Variants in SLC14A1 observed in about 807,000 individuals in gnomAD.
SLC14A1 encodes solute carrier family 14 member 1 (Kidd blood group), also known as urea transporter 1.
In SLC14A1, 36 loss-of-function variants were observed where a neutral mutation model predicts 39.6. That is an observed-to-expected ratio of 0.91 (90% confidence interval 0.70 to 1.20). The LOEUF (loss-of-function observed/expected upper bound fraction) is 1.20, where lower values mean the gene tolerates loss of function less well. SLC14A1 is among the 50% of genes most tolerant of loss of function. The probability of loss-of-function intolerance (pLI) is 0.00; values close to 1 mark genes in which losing one functional copy is unlikely to be tolerated. For synonymous variants in SLC14A1, 164 were observed against 173.6 expected, an observed-to-expected ratio of 0.94 and a Z score of 0.43; for missense variants, 469 against 478.7, an observed-to-expected ratio of 0.98 and a Z score of 0.19.
rs993418815 is a variant in SLC14A1, at chr18:45,750,757, G to A, written c.*806G>A. ...ACCTGTTCTTACATATTAAAGAAAAGTTACTTACTGTATTTATGAAATACT... is the reference window on the plus strand; with the variant it reads ...ACCTGTTCTTACATATTAAAGAAAAATTACTTACTGTATTTATGAAATACT... On this transcript the variant is annotated 3_prime_UTR_variant, in exon 10 of 10. Coordinates refer to ENST00000321925, the MANE Select transcript of SLC14A1 (RefSeq NM_015865.7). 1 of 985,050 alleles carries A rather than the reference G, an allele frequency of 1.0e-6. No homozygotes were observed. Among genetic ancestry groups the A allele is most frequent in the East Asian group, 1.1e-4 (1 of 8,804 alleles). 61.0% of individuals were successfully genotyped at this position (985,050 alleles called of 1,614,324 possible).
intron 7 of SLC14A1, 49 bp from the exon 8 acceptor site, chr18:45,739,479 A>G: frequency 1.2e-6 from 2 of 1,613,620 alleles, no homozygotes; most frequent in Non-Finnish European, 1.7e-6. Context: ...GTTTCCTTCC[A>G]GAACATCCTG....
intron 4 of SLC14A1, 179 bp from the exon 5 acceptor site, chr18:45,734,095 A>C: frequency 1.4e-6 from 1 of 721,960 alleles, no homozygotes; most frequent in Non-Finnish European, 2.3e-6. Context: ...ATCTATGTAT[A>C]TTTCACTTCA....
chr18:45,727,196 G>C (rs2046888391), intron 2 of SLC14A1: 1 of 1,483,996 alleles, frequency 6.7e-7, no homozygotes, highest in African/African-American at 1.4e-5. Flanking sequence ...CCTTTTGCGT[G>C]GTCATTAGAG....
chr18:45,730,346 G>A lies in SLC14A1; in HGVS notation c.26G>A (p.Arg9Lys), dbSNP rs1221339086. Reference sequence around the variant, plus strand: ...ATGGAGGACAGCCCCACTATGGTTAGAGTGGACAGCCCCACTATGGTTAGG... The same window carrying A: ...ATGGAGGACAGCCCCACTATGGTTAAAGTGGACAGCCCCACTATGGTTAGG... MEDSPTMV[R>K]VDSPTMVRGE... Residue 9 changes from arginine to lysine, a missense_variant, in exon 3 of 10, where the codon AGA becomes AAA. Transcript: ENST00000321925. The A allele has an allele frequency of 1.2e-6, 2 of 1,613,062 alleles. No homozygotes were observed. Among genetic ancestry groups the A allele is most frequent in the East Asian group, 4.5e-5 (2 of 44,876 alleles).
chr18:45,739,686 G>A, intron 8 of SLC14A1, 24 bp downstream of exon 8: 3 of 1,614,078 alleles, frequency 1.9e-6, no homozygotes, highest in Non-Finnish European at 1.7e-6. Context: ...GCCCCTGGGG[G>A]AGGGCTGCTC....
At chr18:45,735,157 G>A (rs1284470174) in intron 5 of SLC14A1, among the ~76,000 whole-genome samples, 2 of 152,200 alleles carry the variant, frequency 1.3e-5, no homozygotes, top group African/African-American at 4.8e-5. Flanking sequence ...TAGCGCCTGG[G>A]CTTTGGGAGT....
intron 5 of SLC14A1, among the ~76,000 whole-genome samples, chr18:45,734,998 T>A (rs2047145263): frequency 6.6e-6 from 1 of 152,354 alleles, no homozygotes; most frequent in Admixed American, 6.5e-5. Context: ...CAGAGGTGGC[T>A]GCACATTGAC....
In SLC14A1 at chr18:45,751,230, C is replaced by T. The variant is rs1450319085; in HGVS notation, c.*1279C>T. ...TGGTGGGTGCCTGTAGTTCCAGCTA[C>T]TTGGGAGGCTGAGGTGGGAAAATGA... On this transcript the variant is annotated 3_prime_UTR_variant, in exon 10 of 10. Coordinates refer to ENST00000321925, the MANE Select transcript of SLC14A1 (RefSeq NM_015865.7). 9 of 421,480 alleles carry T rather than the reference C, an allele frequency of 2.1e-5. No individual in the cohort carries two copies. Among genetic ancestry groups the T allele is most frequent in the Non-Finnish European group, 2.5e-5 (8 of 315,678 alleles). 26.1% of individuals were successfully genotyped at this position (421,480 alleles called of 1,614,324 possible).
chr18:45,730,933 C>T lies in SLC14A1; in HGVS notation c.152-82C>T. 4.9e-6 allele frequency: 6 copies of T among 1,224,254 alleles called. No homozygotes were observed. The South Asian group carries it at 6.0e-5, about 12-fold the overall frequency. 75.8% of individuals were successfully genotyped at this position (1,224,254 alleles called of 1,614,324 possible). On this transcript the variant is annotated intron_variant, in intron 3 of 9. Transcript: ENST00000321925. Reference sequence around the variant, plus strand: ...AATGTTTCACTTCCAGGAGGTTTTGCTGATTTTGCTCAGGGTGGGCCTGTG... The same window carrying T: ...AATGTTTCACTTCCAGGAGGTTTTGTTGATTTTGCTCAGGGTGGGCCTGTG...
intron 6 of SLC14A1, 56 bp downstream of exon 6, chr18:45,736,704 T>TGG: frequency 6.7e-7 from 1 of 1,495,264 alleles, no homozygotes. Context: ...CGCAATGGCC[T>TGG]CCTGGTCAAC....
chr18:45,741,175 G>A (rs2047368144), intron 8 of SLC14A1: 1 of 152,202 alleles, frequency 6.6e-6, no homozygotes, highest in Admixed American at 6.5e-5. Flanking sequence ...AACCTCTTAG[G>A]TGAAAACAGA....
intron 6 of SLC14A1, 61 bp downstream of exon 6, chr18:45,736,709 G>A (rs1282042179): frequency 2.1e-6 from 3 of 1,445,130 alleles, no homozygotes; most frequent in African/African-American, 2.8e-5. Context: ...TGGCCTCCTG[G>A]TCAACTGTCC....
At chr18:45,743,447 T>G (rs2047449463) in intron 8 of SLC14A1, among the ~76,000 whole-genome samples, 2 of 152,208 alleles carry the variant, frequency 1.3e-5, no homozygotes, top group South Asian at 4.1e-4. Context: ...GTTGAGGCAG[T>G]CAACTGAGCT....
chr18:45,741,166 A>T (rs1382653270), intron 8 of SLC14A1: 1 of 152,250 alleles, frequency 6.6e-6, no homozygotes, highest in Non-Finnish European at 1.5e-5. Context: ...CCTCACGGCA[A>T]CCTCTTAGGT....
In SLC14A1 at chr18:45,750,906, A is replaced by G; in HGVS notation, c.*955A>G. On this transcript the variant is annotated 3_prime_UTR_variant, in exon 10 of 10. Coordinates refer to ENST00000321925, the MANE Select transcript of SLC14A1 (RefSeq NM_015865.7). The stretch of plus-strand genomic sequence containing the variant: ...TTTTTTATTCATTTGAGGATGTCTT[A>G]TAAAGACTGAAGGCAAAGGTCAGAT... 4 of 985,202 alleles carry G rather than the reference A, an allele frequency of 4.1e-6. No homozygotes were observed. Among genetic ancestry groups the G allele is most frequent in the Non-Finnish European group, 3.6e-6 (3 of 829,708 alleles). The allele number at this position is 985,202 out of a possible 1,614,324, so 61.0% of individuals were successfully genotyped here.
chr18:45,748,665 A>T lies in SLC14A1; in HGVS notation c.996+240A>T, dbSNP rs376647834. Reference sequence around the variant, plus strand: ...AGATTGCTTGGTTTAAAAAAAAATGAAACGTAGGTTGTATAACATATTATC... The same window carrying T: ...AGATTGCTTGGTTTAAAAAAAAATGTAACGTAGGTTGTATAACATATTATC... On this transcript the variant is annotated intron_variant, in intron 9 of 9. Coordinates refer to ENST00000321925, the MANE Select transcript of SLC14A1 (RefSeq NM_015865.7). Among the ~76,000 whole-genome samples the T allele has an allele frequency of 1.5e-4, 23 of 152,340 alleles. No homozygotes were observed. The East Asian group carries it at 3.1e-3, about 20-fold the overall frequency.
In SLC14A1 at chr18:45,736,638, G is replaced by A. The variant is rs1268987798; in HGVS notation, c.653G>A (p.Ser218Asn). The stretch of plus-strand genomic sequence containing the variant: ...CCAAATATCTCCTGGTCTGACCTCA[G>A]TGCCCTGGAGGTAAGAGACACTGGC... ...TAPNISWSDLSALELLKSIPV... is the reference protein window; with the variant it reads ...TAPNISWSDLNALELLKSIPV... Residue 218 changes from serine (S) to asparagine (N), a missense_variant, in exon 6 of 10, where the codon AGT becomes AAT. Physicochemically the swap from Ser to Asn is conservative, Grantham distance 46. Transcript: ENST00000321925. 6.2e-7 allele frequency: 1 copy of A among 1,613,980 alleles called. No individual in the cohort carries two copies. The highest frequency in any genetic ancestry group is 1.1e-5 in the South Asian group (1 of 91,076).
In SLC14A1 at chr18:45,736,666, C is replaced by T. The variant is rs1599282352; in HGVS notation, c.663+18C>T. The T allele has an allele frequency of 6.2e-7, 1 of 1,611,260 alleles. No homozygotes were observed. On this transcript the variant is annotated intron_variant, in intron 6 of 9. Transcript: ENST00000321925. ...CCCTGGAGGTAAGAGACACTGGCTT[C>T]TCACATTCGCCCTGGCTCTGCAAGA...
chr18:45,724,911 A>G (rs2046823503), intron 1 of SLC14A1, 39 bp from the exon 2 acceptor site: 1 of 152,256 alleles, frequency 6.6e-6, no homozygotes, highest in African/African-American at 2.4e-5. Flanking sequence ...ACCAGGACAC[A>G]GGAATATCTG....
Sources: allele counts gnomAD v4.1 joint callset (sites outside exome capture counted in the v4.1 genomes callset), GRCh38; gene constraint gnomAD v4.1.1; transcripts MANE v1.5; gene names NCBI Gene and HGNC (gene_info 2026-07-23, HGNC 2026-07-21).